The following GRIA4 variants were observed in gnomAD, a reference collection of about 807,000 sequenced individuals.
GRIA4 encodes glutamate ionotropic receptor AMPA type subunit 4.
A neutral mutation model predicts 104.0 loss-of-function variants in GRIA4; 34 were observed. The ratio of observed to expected loss-of-function variants is 0.33; its 90% CI spans 0.25 to 0.44. The LOEUF (loss-of-function observed/expected upper bound fraction) is 0.44, where lower values mean the gene tolerates loss of function less well. Ranked by LOEUF, GRIA4 falls within the 20% of genes least tolerant of loss-of-function variation. The probability of loss-of-function intolerance (pLI) is 1.00; values close to 1 mark genes in which losing one functional copy is unlikely to be tolerated. For synonymous variants in GRIA4, 386 were observed against 381.9 expected, an observed-to-expected ratio of 1.01 and a Z score of -0.13; for missense variants, 750 against 1,096.5, an observed-to-expected ratio of 0.68 and a Z score of 4.46.
intron 4 of GRIA4, among the ~76,000 whole-genome samples, chr11:105,827,254 A>G (rs938256467): frequency 6.6e-6 from 1 of 152,036 alleles, no homozygotes; most frequent in African/African-American, 2.4e-5. Flanking sequence ...ATTTATTCAG[A>G]CTAAGAATCA....
At chr11:105,757,906 C>G (rs1044361890) in intron 4 of GRIA4, among the ~76,000 whole-genome samples, 1 of 152,064 alleles carries the variant, frequency 6.6e-6, no homozygotes, top group South Asian at 2.1e-4. Context: ...ATTTTTTCCC[C>G]ATGGTGATCA....
chr11:105,787,088 C>T (rs1481397340), intron 4 of GRIA4, among the ~76,000 whole-genome samples: 1 of 152,148 alleles, frequency 6.6e-6, no homozygotes, highest in Admixed American at 6.5e-5. Context: ...AACAGAGAGA[C>T]TATAACCTGG....
chr11:105,664,257 A>T (rs1050169835), intron 3 of GRIA4, among the ~76,000 whole-genome samples: 1 of 150,394 alleles, frequency 6.6e-6, no homozygotes, highest in African/African-American at 2.4e-5. Flanking sequence ...GGCACTGGAT[A>T]AGTGGAGGTC....
At chr11:105,802,084 C>T (rs944257123) in intron 4 of GRIA4, among the ~76,000 whole-genome samples, 6 of 152,110 alleles carry the variant, frequency 3.9e-5, no homozygotes, top group Admixed American at 1.3e-4. Flanking sequence ...TGGGCAGATG[C>T]GGCCACATCA....
intron 4 of GRIA4, among the ~76,000 whole-genome samples, chr11:105,757,412 A>G (rs982430825): frequency 2.0e-5 from 3 of 152,166 alleles, no homozygotes; most frequent in Non-Finnish European, 4.4e-5. Context: ...AGGGGCACCG[A>G]GCAAATAATA....
chr11:105,799,452 C>T (rs902398731), intron 4 of GRIA4, among the ~76,000 whole-genome samples: 3 of 151,892 alleles, frequency 2.0e-5, no homozygotes, highest in Non-Finnish European at 2.9e-5. Context: ...GAAATTACAA[C>T]GGGTATAGGG....
At chr11:105,675,724 G>A (rs1442034471) in intron 3 of GRIA4, among the ~76,000 whole-genome samples, 1 of 151,698 alleles carries the variant, frequency 6.6e-6, no homozygotes, top group African/African-American at 2.4e-5. Context: ...TTAGTTGGTA[G>A]GCATGGCTTA....
intron 14 of GRIA4, among the ~76,000 whole-genome samples, chr11:105,957,955 T>G (rs1384655287): frequency 6.6e-6 from 1 of 152,206 alleles, no homozygotes; most frequent in African/African-American, 2.4e-5. Context: ...TTTTGGACGT[T>G]GATTTTGTAT....
intron 4 of GRIA4, among the ~76,000 whole-genome samples, chr11:105,831,989 A>T (rs1305516122): frequency 6.6e-6 from 1 of 152,000 alleles, no homozygotes; most frequent in Non-Finnish European, 1.5e-5. Flanking sequence ...CACCTTGGAC[A>T]TGCTGGATTG....
At chr11:105,944,168 GT>G (rs891604302) in intron 14 of GRIA4, among the ~76,000 whole-genome samples, 2 of 152,048 alleles carry the variant, frequency 1.3e-5, no homozygotes, top group African/African-American at 4.8e-5. Flanking sequence ...GTCATAAAGT[GT>G]TTTTTCCCTG....
At chr11:105,917,815 G>GTTGTGTGT (rs1555047934) in intron 10 of GRIA4, among the ~76,000 whole-genome samples, 8 of 142,690 alleles carry the variant, frequency 5.6e-5, no homozygotes, top group Admixed American at 4.2e-4. Flanking sequence ...TTGGTTTAAG[G>GTTGTGTGT]GTGTGTGTGT....
intron 4 of GRIA4, among the ~76,000 whole-genome samples, chr11:105,793,814 A>G (rs2135811673): frequency 6.6e-6 from 1 of 152,132 alleles, no homozygotes; most frequent in South Asian, 2.1e-4. Context: ...AACATGCTAT[A>G]CACAGGCAGA....
At chr11:105,829,629 A>G (rs2135928343) in intron 4 of GRIA4, among the ~76,000 whole-genome samples, 1 of 151,990 alleles carries the variant, frequency 6.6e-6, no homozygotes, top group South Asian at 2.1e-4. Flanking sequence ...GCCTAGCTAT[A>G]AGAAGACATA....
chr11:105,749,889 A>G (rs553826307), intron 3 of GRIA4, among the ~76,000 whole-genome samples: 2 of 152,326 alleles, frequency 1.3e-5, no homozygotes, highest in East Asian at 3.9e-4. Context: ...TAAAATATAG[A>G]GCAATCTAAT....
chr11:105,898,633 G>T (rs962430054), intron 7 of GRIA4, among the ~76,000 whole-genome samples: 9 of 152,000 alleles, frequency 5.9e-5, no homozygotes, highest in African/African-American at 1.7e-4. Context: ...ATTAGCTCAG[G>T]CAGTTTACTA....
At chr11:105,914,218 A>G (rs1023018203) in intron 10 of GRIA4, among the ~76,000 whole-genome samples, 2 of 151,806 alleles carry the variant, frequency 1.3e-5, no homozygotes, top group East Asian at 3.9e-4. Context: ...CAGCCATTAG[A>G]TTTACTAATT....
chr11:105,619,395 A>G (rs989255447), intron 3 of GRIA4, among the ~76,000 whole-genome samples: 2 of 151,942 alleles, frequency 1.3e-5, no homozygotes, highest in African/African-American at 4.8e-5. Context: ...TCATATGGAA[A>G]TTGTATGTCT....
At chr11:105,614,647 T>C (rs1275406675) in intron 3 of GRIA4, among the ~76,000 whole-genome samples, 1 of 151,986 alleles carries the variant, frequency 6.6e-6, no homozygotes, top group East Asian at 1.9e-4. Flanking sequence ...TGCGTATGTT[T>C]AAAAATTTTT....
chr11:105,758,872 T>G (rs879575726), intron 4 of GRIA4, among the ~76,000 whole-genome samples: 1 of 152,132 alleles, frequency 6.6e-6, no homozygotes, highest in African/African-American at 2.4e-5. Flanking sequence ...ATTTTGATGT[T>G]AAATGGAAAT....
Sources: allele counts gnomAD v4.1 joint callset (sites outside exome capture counted in the v4.1 genomes callset), GRCh38; gene constraint gnomAD v4.1.1; transcripts MANE v1.5; gene names NCBI Gene and HGNC (gene_info 2026-07-23, HGNC 2026-07-21).